The following CCSER1 variants were observed in gnomAD, a reference collection of about 807,000 sequenced individuals.
The protein encoded by CCSER1 is serine-rich coiled-coil domain-containing protein 1.
Under a neutral mutation model 82.0 loss-of-function variants are expected in CCSER1, and 41 were observed. The observed-to-expected ratio is 0.50, with a 90% confidence interval of 0.39 to 0.65. The LOEUF (loss-of-function observed/expected upper bound fraction) is 0.65. Ranked by LOEUF, CCSER1 falls within the 30% of genes least tolerant of loss-of-function variation. The pLI, the probability that CCSER1 is intolerant of heterozygous loss-of-function variation, is 0.00. For synonymous variants in CCSER1, 414 were observed against 383.9 expected (o/e 1.08, Z -0.92); for missense variants, 1,119 against 1,064.2 (o/e 1.05, Z -0.72).
At chr4:90,860,420 G>A (rs1399297582) in intron 8 of CCSER1, among the ~76,000 whole-genome samples, 2 of 151,536 alleles carry the variant, frequency 1.3e-5, no homozygotes, top group African/African-American at 4.8e-5. Flanking sequence ...AAAATGATGT[G>A]ACTCCTTTGG....
intron 5 of CCSER1, among the ~76,000 whole-genome samples, chr4:90,511,479 C>G (rs28704472): frequency 0.075 from 11,358 of 152,174 alleles, 544 homozygotes; most frequent in African/African-American, 0.12. Context: ...GGTGAAGATT[C>G]AAGTGCTATT....
chr4:90,816,623 A>G (rs1759055335), intron 8 of CCSER1, among the ~76,000 whole-genome samples: 1 of 152,098 alleles, frequency 6.6e-6, no homozygotes, highest in Admixed American at 6.6e-5. Context: ...TTCATCATTC[A>G]TTTTTACACT....
intron 6 of CCSER1, among the ~76,000 whole-genome samples, chr4:90,644,452 G>T (rs1460025886): frequency 5.9e-5 from 9 of 151,750 alleles, no homozygotes; most frequent in Admixed American, 5.9e-4. Flanking sequence ...TGCTCAATCT[G>T]TATTTTTTTT....
intron 9 of CCSER1, among the ~76,000 whole-genome samples, chr4:91,039,257 G>T (rs566378359): frequency 6.6e-6 from 1 of 150,820 alleles, no homozygotes; most frequent in East Asian, 2.0e-4. Context: ...TGCCCAGGCT[G>T]GTCTCAAACT....
chr4:90,587,669 T>TC (rs1317222347), intron 5 of CCSER1, among the ~76,000 whole-genome samples: 2 of 152,226 alleles, frequency 1.3e-5, no homozygotes, highest in African/African-American at 4.8e-5. Flanking sequence ...TCTGTGCCTG[T>TC]CCCTACAACC....
chr4:90,347,311 C>CTCTATCTATCTATCTA (rs35636292), intron 3 of CCSER1, among the ~76,000 whole-genome samples: 2,267 of 148,702 alleles, frequency 0.015, 26 homozygotes, highest in East Asian at 0.033. Flanking sequence ...TTAACATAAG[C>CTCTATCTATCTATCTA]TCTATCTATC....
intron 9 of CCSER1, among the ~76,000 whole-genome samples, chr4:90,980,908 C>T (rs780973079): frequency 6.6e-5 from 10 of 151,760 alleles, no homozygotes; most frequent in Admixed American, 2.6e-4. Context: ...CTAGAATTTC[C>T]GGTAGCGCAT....
chr4:91,257,472 T>TACACAC (rs34423543), intron 10 of CCSER1, among the ~76,000 whole-genome samples: 10,845 of 148,918 alleles, frequency 0.073, 416 homozygotes, highest in Non-Finnish European at 0.083. Flanking sequence ...AATACATACC[T>TACACAC]ACACACACAC....
chr4:91,013,835 A>G (rs1242762722), intron 9 of CCSER1, among the ~76,000 whole-genome samples: 1 of 125,576 alleles, frequency 8.0e-6, no homozygotes, highest in African/African-American at 2.6e-5. Flanking sequence ...GTTAGCCAGG[A>G]TGGTCTGAAT....
intron 9 of CCSER1, among the ~76,000 whole-genome samples, chr4:90,946,985 G>A (rs1374226499): frequency 6.6e-6 from 1 of 151,730 alleles, no homozygotes; most frequent in Non-Finnish European, 1.5e-5. Flanking sequence ...ACTCAGACTG[G>A]TGGAACAATC....
At chr4:90,930,398 G>A (rs1405091500) in intron 9 of CCSER1, among the ~76,000 whole-genome samples, 3 of 151,784 alleles carry the variant, frequency 2.0e-5, no homozygotes, top group African/African-American at 4.8e-5. Flanking sequence ...TCAGGAGATC[G>A]AGGCCATCCT....
At chr4:91,443,112 C>G (rs1455191840) in intron 10 of CCSER1, among the ~76,000 whole-genome samples, 5 of 152,140 alleles carry the variant, frequency 3.3e-5, no homozygotes, top group South Asian at 2.1e-4. Context: ...ACCCAGCCAT[C>G]CCATTACTGG....
intron 5 of CCSER1, among the ~76,000 whole-genome samples, chr4:90,539,337 T>C (rs1395805135): frequency 6.6e-6 from 1 of 152,094 alleles, no homozygotes. Context: ...GATTCACTGA[T>C]GCAGCCTAAG....
chr4:90,751,342 A>G (rs1423715729), intron 7 of CCSER1, among the ~76,000 whole-genome samples: 2 of 152,134 alleles, frequency 1.3e-5, no homozygotes, highest in Non-Finnish European at 2.9e-5. Flanking sequence ...ATACATTTTT[A>G]TGTGGTAAAA....
chr4:90,412,865 T>TAGTA (rs1354626559), intron 4 of CCSER1, among the ~76,000 whole-genome samples: 2 of 152,106 alleles, frequency 1.3e-5, no homozygotes, highest in African/African-American at 4.8e-5. Flanking sequence ...GATGCTCACT[T>TAGTA]TTACTACTAC....
intron 5 of CCSER1, among the ~76,000 whole-genome samples, chr4:90,539,517 G>A (rs939827047): frequency 6.6e-6 from 1 of 151,980 alleles, no homozygotes; most frequent in African/African-American, 2.4e-5. Flanking sequence ...GCAATTACAC[G>A]TTTACATTCA....
chr4:91,053,907 G>C (rs1241368032), intron 9 of CCSER1, among the ~76,000 whole-genome samples: 1 of 152,176 alleles, frequency 6.6e-6, no homozygotes, highest in Non-Finnish European at 1.5e-5. Flanking sequence ...CTTGCAGCAT[G>C]AATGTGCTAC....
At chr4:91,380,435 A>G (rs1043669707) in intron 10 of CCSER1, among the ~76,000 whole-genome samples, 5 of 152,162 alleles carry the variant, frequency 3.3e-5, no homozygotes, top group African/African-American at 9.7e-5. Flanking sequence ...GTGCTCCTGT[A>G]TTGGGTGCAT....
At chr4:91,073,230 A>G (rs1446939154) in intron 9 of CCSER1, among the ~76,000 whole-genome samples, 5 of 152,106 alleles carry the variant, frequency 3.3e-5, no homozygotes, top group Admixed American at 6.5e-5. Flanking sequence ...CCAAATCATG[A>G]TAAACTCCAT....
Sources: gnomAD v4.1 joint callset for allele counts (sites outside exome capture counted in the v4.1 genomes callset) on GRCh38, gnomAD v4.1.1 for gene constraint, MANE v1.5 for transcripts, NCBI Gene and HGNC (gene_info 2026-07-23, HGNC 2026-07-21) for gene names.